The following MAOB variants were observed in gnomAD, a reference collection of about 807,000 sequenced individuals.
MAOB encodes amine oxidase [flavin-containing] B.
Under a neutral mutation model 41.9 loss-of-function variants are expected in MAOB, and 15 were observed. The observed-to-expected ratio is 0.36, with a 90% CI of 0.24 to 0.55. The LOEUF is 0.55. MAOB is among the 20% of genes least tolerant of loss of function. The pLI is 0.86. For missense variants in MAOB, 345 were observed against 398.7 expected (o/e 0.87, Z 1.15); for synonymous variants, 167 against 144.2 (o/e 1.16, Z -1.13).
chrX:43,775,043 G>A, intron 12 of MAOB, 132 bp downstream of exon 12: 4 of 905,789 alleles, frequency 4.4e-6, no homozygotes, highest in Non-Finnish European at 5.6e-6. Flanking sequence ...AAGATACAAA[G>A]GAAATTGGGT....
At chrX:43,790,600 GAT>G (rs1349347012) in intron 8 of MAOB, among the ~76,000 whole-genome samples, 1 of 108,648 alleles carries the variant, frequency 9.2e-6, no homozygotes. Flanking sequence ...TTTTTTTTGA[GAT>G]AGAGATGGAG....
chrX:43,799,794 A>G (rs2034570274), intron 5 of MAOB, among the ~76,000 whole-genome samples: 2 of 111,825 alleles, frequency 1.8e-5, no homozygotes, highest in South Asian at 7.5e-4. Flanking sequence ...AGATAAAAGG[A>G]TGAGAGAACG....
At chrX:43,873,541 G>A (rs1271766922) in intron 1 of MAOB, among the ~76,000 whole-genome samples, 9 of 111,420 alleles carry the variant, frequency 8.1e-5, no homozygotes, top group African/African-American at 2.9e-4. Flanking sequence ...GATAGTATAT[G>A]ACATTTAAGA....
chrX:43,845,147 T>A (rs1034984013), intron 1 of MAOB, among the ~76,000 whole-genome samples: 12 of 111,625 alleles, frequency 1.1e-4, no homozygotes, highest in Admixed American at 1.9e-4. Context: ...TATTTTTTTT[T>A]AAAAGCACTC....
At chrX:43,822,365 T>C (rs1482017276) in intron 3 of MAOB, among the ~76,000 whole-genome samples, 1 of 112,468 alleles carries the variant, frequency 8.9e-6, no homozygotes, top group Non-Finnish European at 1.9e-5. Context: ...GCTCTGTTGC[T>C]ATGAACATTA....
chrX:43,794,587 G>C (rs943746255), intron 7 of MAOB, among the ~76,000 whole-genome samples: 1 of 110,737 alleles, frequency 9.0e-6, no homozygotes, highest in Non-Finnish European at 1.9e-5. Flanking sequence ...GCACATAGGA[G>C]GTGCTTGATA....
intron 8 of MAOB, among the ~76,000 whole-genome samples, chrX:43,784,426 T>G (rs1310883261): frequency 8.9e-6 from 1 of 112,572 alleles, no homozygotes; most frequent in Non-Finnish European, 1.9e-5. Context: ...TTAGCAGGCA[T>G]GAAAACAACA....
At chrX:43,810,149 A>G (rs1049984226) in intron 3 of MAOB, among the ~76,000 whole-genome samples, 1 of 96,261 alleles carries the variant, frequency 1.0e-5, no homozygotes, top group African/African-American at 4.2e-5. Flanking sequence ...AGGCTGAGGC[A>G]GGAGAATGGC....
intron 1 of MAOB, among the ~76,000 whole-genome samples, chrX:43,866,468 A>G (rs1312593173): frequency 1.8e-5 from 2 of 112,312 alleles, no homozygotes; most frequent in African/African-American, 6.5e-5. Flanking sequence ...ACACAAAAGG[A>G]CACATTCTGT....
At chrX:43,780,069 T>C (rs770570225) in intron 10 of MAOB, among the ~76,000 whole-genome samples, 1 of 111,857 alleles carries the variant, frequency 8.9e-6, no homozygotes, top group East Asian at 2.8e-4. Flanking sequence ...TGGTGTCTTA[T>C]GTACAATAAA....
intron 8 of MAOB, among the ~76,000 whole-genome samples, chrX:43,790,215 T>G (rs1569213377): frequency 8.9e-6 from 1 of 112,369 alleles, no homozygotes; most frequent in African/African-American, 3.2e-5. Flanking sequence ...TTGGCAGTGA[T>G]GTTGATAGTC....
intron 8 of MAOB, among the ~76,000 whole-genome samples, chrX:43,783,393 C>T (rs2034361242): frequency 9.0e-6 from 1 of 111,563 alleles, no homozygotes; most frequent in African/African-American, 3.3e-5. Context: ...CCTCAGTTCC[C>T]TCCTGAACAA....
At chrX:43,780,444 T>C in intron 9 of MAOB, 49 bp from the exon 10 acceptor site, 1 of 993,664 alleles carries the variant, frequency 1.0e-6, no homozygotes, top group Non-Finnish European at 1.4e-6. Context: ...GTTGGTTTCA[T>C]CCTAGCCTCA....
intron 3 of MAOB, among the ~76,000 whole-genome samples, chrX:43,817,003 G>T (rs1280982510): frequency 9.0e-6 from 1 of 111,083 alleles, no homozygotes; most frequent in Non-Finnish European, 1.9e-5. Flanking sequence ...AAGAGCCTGA[G>T]GTCTTCTAGT....
At chrX:43,804,455 A>AAGAG (rs367565430) in intron 3 of MAOB, among the ~76,000 whole-genome samples, 20 of 107,453 alleles carry the variant, frequency 1.9e-4, no homozygotes, top group South Asian at 1.2e-3. Flanking sequence ...CAACAGGAGA[A>AAGAG]AGAGAGAGAG....
chrX:43,831,697 G>A (rs73212723), intron 3 of MAOB, among the ~76,000 whole-genome samples: 1,623 of 111,756 alleles, frequency 0.015, 12 homozygotes, highest in Middle Eastern at 0.11. Context: ...CAATTTGATG[G>A]AAGAAACATA....
chrX:43,875,542 A>T (rs950057386), intron 1 of MAOB, among the ~76,000 whole-genome samples: 3 of 112,025 alleles, frequency 2.7e-5, no homozygotes, highest in African/African-American at 3.2e-5. Flanking sequence ...AGCGAATGAG[A>T]TTCTTGCAAA....
At chrX:43,774,232 G>A (rs1444479667) in intron 12 of MAOB, among the ~76,000 whole-genome samples, 1 of 111,251 alleles carries the variant, frequency 9.0e-6, no homozygotes, top group Admixed American at 9.6e-5. Context: ...TTATTGCTTG[G>A]TTTAGTAATA....
At chrX:43,774,394 A>G (rs1445697279) in intron 12 of MAOB, among the ~76,000 whole-genome samples, 1 of 112,063 alleles carries the variant, frequency 8.9e-6, no homozygotes, top group African/African-American at 3.2e-5. Flanking sequence ...ATTGTATGGT[A>G]TGTGAATTAC....
Sources: gnomAD v4.1 joint callset for allele counts (sites outside exome capture counted in the v4.1 genomes callset) on GRCh38, gnomAD v4.1.1 for gene constraint, MANE v1.5 for transcripts, NCBI Gene and HGNC (gene_info 2026-07-23, HGNC 2026-07-21) for gene names.